Variants in WWOX observed in about 807,000 individuals in gnomAD.
WWOX encodes the protein WW domain containing oxidoreductase.
A neutral mutation model predicts 46.2 loss-of-function variants in WWOX; 69 were observed. The observed-to-expected ratio is 1.49, with a 90% CI of 1.23 to 1.82. The LOEUF (loss-of-function observed/expected upper bound fraction) is 1.82. Ranked by LOEUF, WWOX falls within the 40% of genes most tolerant of loss-of-function variation. The pLI is 0.00. For missense variants in WWOX, 919 were observed against 542.6 expected, an observed-to-expected ratio of 1.69 and a Z score of -6.89; for synonymous variants, 359 against 202.6, an observed-to-expected ratio of 1.77 and a Z score of -6.56.
At chr16:78,405,584 A>G (rs1007972139) in intron 6 of WWOX, among the ~76,000 whole-genome samples, 2 of 152,242 alleles carry the variant, frequency 1.3e-5, no homozygotes, top group African/African-American at 4.8e-5. Flanking sequence ...AACAGAAACA[A>G]TACATAAGTA....
At chr16:78,751,461 T>TATATATATTTATCAGATTATATATATATA (rs1555528822) in intron 8 of WWOX, among the ~76,000 whole-genome samples, 15 of 128,438 alleles carry the variant, frequency 1.2e-4, no homozygotes, top group Admixed American at 8.7e-4. Context: ...TTATCAGATT[T>TATATATATTTATCAGATTATATATATATA]TATATATATA....
chr16:78,988,215 G>T (rs1015793457), intron 8 of WWOX, among the ~76,000 whole-genome samples: 4 of 151,864 alleles, frequency 2.6e-5, no homozygotes, highest in Admixed American at 6.6e-5. Context: ...ATGGTGACAG[G>T]CATCTGTAAT....
chr16:78,667,632 C>G (rs1464244012), intron 8 of WWOX, among the ~76,000 whole-genome samples: 1 of 135,656 alleles, frequency 7.4e-6, no homozygotes, highest in Non-Finnish European at 1.5e-5. Context: ...GATCGTGCCA[C>G]TGCATCCCAG....
intron 8 of WWOX, among the ~76,000 whole-genome samples, chr16:78,874,902 T>C (rs2044204911): frequency 6.6e-6 from 1 of 152,050 alleles, no homozygotes; most frequent in Admixed American, 6.6e-5. Context: ...GAGCTCCCCT[T>C]CAAGCATAGA....
At chr16:79,005,549 C>A (rs1430656734) in intron 8 of WWOX, among the ~76,000 whole-genome samples, 1 of 152,190 alleles carries the variant, frequency 6.6e-6, no homozygotes. Flanking sequence ...CTCTTCCCGG[C>A]CTGTAGGTAT....
At chr16:78,512,584 C>G (rs1015280638) in intron 8 of WWOX, among the ~76,000 whole-genome samples, 15 of 152,220 alleles carry the variant, frequency 9.9e-5, no homozygotes, top group African/African-American at 3.6e-4. Context: ...TTCATTTGTT[C>G]ATTCAGCAAA....
At chr16:78,975,243 T>G (rs2151327398) in intron 8 of WWOX, among the ~76,000 whole-genome samples, 1 of 152,304 alleles carries the variant, frequency 6.6e-6, no homozygotes, top group Middle Eastern at 3.4e-3. Context: ...GGACCACTTT[T>G]GCACCCAGGG....
At chr16:78,969,267 C>CTTTTTTTT (rs1320260974) in intron 8 of WWOX, among the ~76,000 whole-genome samples, 1 of 131,330 alleles carries the variant, frequency 7.6e-6, no homozygotes, top group South Asian at 2.5e-4. Flanking sequence ...CTCTCTCTCT[C>CTTTTTTTT]TCTTTTTTTT....
chr16:78,649,485 C>T (rs1185235212), intron 8 of WWOX, among the ~76,000 whole-genome samples: 3 of 152,094 alleles, frequency 2.0e-5, no homozygotes, highest in Admixed American at 2.0e-4. Flanking sequence ...CTCTGTTGCC[C>T]AGGCTGGTGT....
At chr16:78,815,603 G>A (rs992671780) in intron 8 of WWOX, among the ~76,000 whole-genome samples, 2 of 152,148 alleles carry the variant, frequency 1.3e-5, no homozygotes, top group African/African-American at 4.8e-5. Flanking sequence ...ACACATTTAT[G>A]GGGGCAGAGG....
At chr16:78,899,921 T>G (rs2044787050) in intron 8 of WWOX, among the ~76,000 whole-genome samples, 1 of 152,192 alleles carries the variant, frequency 6.6e-6, no homozygotes, top group South Asian at 2.1e-4. Context: ...AAATTAAGTC[T>G]GCAGGTGTTC....
chr16:79,009,850 C>A (rs143619567), intron 8 of WWOX, among the ~76,000 whole-genome samples: 2,457 of 152,238 alleles, frequency 0.016, 32 homozygotes, highest in Non-Finnish European at 0.023. Flanking sequence ...GGGGCTTCGA[C>A]CTCATCTGGG....
chr16:78,740,784 CTG>C (rs1391061887), intron 8 of WWOX, among the ~76,000 whole-genome samples: 2 of 152,180 alleles, frequency 1.3e-5, no homozygotes, highest in Admixed American at 6.5e-5. Context: ...TTGCAGCACT[CTG>C]TGTGTGTACG....
chr16:79,023,126 G>A (rs1029894005), intron 8 of WWOX, among the ~76,000 whole-genome samples: 4 of 152,124 alleles, frequency 2.6e-5, no homozygotes, highest in Admixed American at 2.6e-4. Context: ...TTAAGGAGGG[G>A]GAATGTGACC....
At chr16:78,884,686 T>G (rs928159340) in intron 8 of WWOX, among the ~76,000 whole-genome samples, 2 of 152,192 alleles carry the variant, frequency 1.3e-5, no homozygotes, top group Non-Finnish European at 2.9e-5. Context: ...GATGGGAGCA[T>G]GAAGTGTCCT....
chr16:78,734,679 T>G (rs1257127543), intron 8 of WWOX, among the ~76,000 whole-genome samples: 2 of 151,748 alleles, frequency 1.3e-5, no homozygotes, highest in Non-Finnish European at 2.9e-5. Context: ...TGAGTGTGTT[T>G]CTGGGTGAGG....
intron 8 of WWOX, among the ~76,000 whole-genome samples, chr16:78,711,975 T>C (rs1319828741): frequency 1.3e-5 from 2 of 152,184 alleles, no homozygotes; most frequent in Non-Finnish European, 2.9e-5. Flanking sequence ...GGACATTAAA[T>C]CTTCCATAAT....
chr16:78,476,815 A>C (rs1190011593), intron 8 of WWOX, among the ~76,000 whole-genome samples: 1 of 152,096 alleles, frequency 6.6e-6, no homozygotes, highest in East Asian at 1.9e-4. Flanking sequence ...TGAGATAGGA[A>C]AGACTAATTT....
intron 8 of WWOX, among the ~76,000 whole-genome samples, chr16:78,641,380 A>G (rs2046706652): frequency 6.6e-6 from 1 of 152,060 alleles, no homozygotes; most frequent in South Asian, 2.1e-4. Context: ...TAATTGCTGC[A>G]CTTGTAGTGT....
Sources: allele counts gnomAD v4.1 joint callset (sites outside exome capture counted in the v4.1 genomes callset), GRCh38; gene constraint gnomAD v4.1.1; transcripts MANE v1.5; gene names NCBI Gene and HGNC (gene_info 2026-07-23, HGNC 2026-07-21).